The following SLC51A variants were observed in gnomAD, a reference collection of about 807,000 sequenced individuals.
The protein encoded by SLC51A is solute carrier family 51 member A.
In SLC51A, 22 loss-of-function variants were observed where a neutral mutation model predicts 34.8. The observed-to-expected ratio is 0.63, with a 90% confidence interval of 0.45 to 0.90. The LOEUF is 0.90. SLC51A is among the 40% of genes least tolerant of loss of function. The pLI is 0.00. For synonymous variants in SLC51A, 181 were observed against 176.3 expected (o/e 1.03, Z -0.21); for missense variants, 371 against 414.8 (o/e 0.89, Z 0.92).
At chr3:196,225,333 C>T (rs1434982217) in intron 2 of SLC51A, among the ~76,000 whole-genome samples, 1 of 152,126 alleles carries the variant, frequency 6.6e-6, no homozygotes, top group Non-Finnish European at 1.5e-5. Flanking sequence ...TGTGGTGCCA[C>T]CAGGTGCGAC....
In SLC51A at chr3:196,217,769, T is replaced by G. The variant is rs951483835; in HGVS notation, c.39-73T>G. On this transcript the variant is annotated intron_variant, in intron 1 of 8. Coordinates refer to ENST00000296327, the MANE Select transcript of SLC51A (RefSeq NM_152672.6). ...ACAAAGTCCTGCACTCAGGAGTGGT[T>G]GAGGGTCCAGTGTGCAACCCTCCCC... 8.0e-5 allele frequency: 102 copies of G among 1,270,040 alleles called. No homozygotes were observed. In the African/African-American group the frequency reaches 1.4e-3, roughly 17 times the overall value. 78.7% of individuals were successfully genotyped at this position (1,270,040 alleles called of 1,614,324 possible).
intron 2 of SLC51A, among the ~76,000 whole-genome samples, chr3:196,222,563 A>C (rs1290889792): frequency 6.6e-6 from 1 of 151,076 alleles, no homozygotes; most frequent in East Asian, 1.9e-4. Flanking sequence ...TGGATCCACG[A>C]GGCGGAGCTT....
At chr3:196,221,450 G>C (rs780863230) in intron 2 of SLC51A, among the ~76,000 whole-genome samples, 2 of 151,764 alleles carry the variant, frequency 1.3e-5, no homozygotes, top group African/African-American at 2.4e-5. Flanking sequence ...AATTTTTGTA[G>C]AGACAGAGTC....
In SLC51A at chr3:196,221,271, G is replaced by A. The variant is rs145499420; in HGVS notation, c.133+3335G>A. On this transcript the variant is annotated intron_variant, in intron 2 of 8. Transcript: ENST00000296327. Reference sequence around the variant, plus strand: ...TGTCTCAATTTAAAAAAAAGAGAGAGAGAAAAAAAAGCTATTATTCTAGAA... The same window carrying A: ...TGTCTCAATTTAAAAAAAAGAGAGAAAGAAAAAAAAGCTATTATTCTAGAA... Among the ~76,000 whole-genome samples the A allele has an allele frequency of 9.2e-4, 139 of 151,404 alleles. 2 individuals carry two copies. The highest frequency in any genetic ancestry group is 2.7e-3 in the African/African-American group (112 of 41,280).
At position 196,216,629 on chromosome 3, in the gene SLC51A, C is replaced by A; in HGVS notation, c.-84C>A. 1 of 1,428,480 alleles carries A rather than the reference C, an allele frequency of 7.0e-7. No individual in the cohort carries two copies. The highest frequency in any genetic ancestry group is 9.6e-7 in the Non-Finnish European group (1 of 1,040,308). 88.5% of individuals were successfully genotyped at this position (1,428,480 alleles called of 1,614,324 possible). The stretch of plus-strand genomic sequence containing the variant: ...GCCCCCCACCCCGGCCCAGGCAAGC[C>A]ACCCTGCCCCCGGCCCCCACCTGCC... On this transcript the variant is annotated 5_prime_UTR_variant, in exon 1 of 9. Transcript: ENST00000296327. This position sits in a 1 kb window ranked among gnomAD's most constrained non-coding sequence, Gnocchi z 4.5.
Position 196,216,651 on chromosome 3 carries a change from T to TGCCCGCCCCACCA in SLC51A, c.-53_-52insACCAGCCCGCCCC. The stretch of plus-strand genomic sequence containing the variant: ...AGCCACCCTGCCCCCGGCCCCCACC[T>TGCCCGCCCCACCA]GCCCGCCCCGCCTGCCCTTCCTCAC... On this transcript the variant is annotated 5_prime_UTR_variant, in exon 1 of 9. Coordinates refer to ENST00000296327, the MANE Select transcript of SLC51A (RefSeq NM_152672.6). This position sits in a 1 kb window ranked among gnomAD's most constrained non-coding sequence, Gnocchi z 4.5. 1.0e-6 allele frequency: 1 copy of TGCCCGCCCCACCA among 994,742 alleles called. No individual in the cohort carries two copies. The highest frequency in any genetic ancestry group is 1.7e-5 in the African/African-American group (1 of 58,068). 61.6% of individuals were successfully genotyped at this position (994,742 alleles called of 1,614,324 possible).
chr3:196,232,628 CAG>C, intron 8 of SLC51A, 104 bp downstream of exon 8: 4 of 827,362 alleles, frequency 4.8e-6, no homozygotes, highest in East Asian at 2.5e-5. Flanking sequence ...GACTTCTGCT[CAG>C]AGTGTTCAGA....
chr3:196,225,918 C>T (rs1338447953), intron 2 of SLC51A: 2 of 152,294 alleles, frequency 1.3e-5, no homozygotes, highest in Admixed American at 1.3e-4. Context: ...GCAATATCCA[C>T]GAAAGTTTGA....
chr3:196,223,857 CTTTTTTTTTTT>C, intron 2 of SLC51A: 1 of 333,466 alleles, frequency 3.0e-6, no homozygotes, highest in Admixed American at 4.4e-5. Flanking sequence ...TTTTTAATGC[CTTTTTTTTTTT>C]TTTTTTTTTC....
At chr3:196,220,603 A>G (rs1289798187) in intron 2 of SLC51A, among the ~76,000 whole-genome samples, 2 of 152,172 alleles carry the variant, frequency 1.3e-5, no homozygotes, top group East Asian at 1.9e-4. Context: ...TCTCAACAAC[A>G]GCAAAAAATA....
In SLC51A at chr3:196,216,770, CCTGGGCCAGTCG is replaced by C; in HGVS notation, c.38+27_38+38del. The C allele has an allele frequency of 6.4e-7, 1 of 1,566,102 alleles. No homozygotes were observed. Among genetic ancestry groups the C allele is most frequent in the Non-Finnish European group, 8.7e-7 (1 of 1,155,158 alleles). On this transcript the variant is annotated intron_variant, in intron 1 of 8. Transcript: ENST00000296327. This position sits in a 1 kb window ranked among gnomAD's most constrained non-coding sequence, Gnocchi z 4.5. Reference sequence around the variant, plus strand: ...CCCCAGGTAAGTGAGGGCGGCGGGCCCTGGGCCAGTCGCTGGGCAGCGGTGGCCCCTATCCCG... The same window carrying C: ...CCCCAGGTAAGTGAGGGCGGCGGGCCCTGGGCAGCGGTGGCCCCTATCCCG...
chr3:196,227,585 C>A, intron 3 of SLC51A, 79 bp from the exon 4 acceptor site: 1 of 1,266,754 alleles, frequency 7.9e-7, no homozygotes, highest in Non-Finnish European at 1.2e-6. Context: ...GTTTTGCCTC[C>A]TGTGTCCTTG....
intron 2 of SLC51A, among the ~76,000 whole-genome samples, chr3:196,219,140 T>C (rs1359766093): frequency 1.3e-5 from 2 of 152,034 alleles, no homozygotes; most frequent in East Asian, 3.8e-4. Context: ...GCAGGAGAGT[T>C]GCTTGAACTC....
intron 2 of SLC51A, among the ~76,000 whole-genome samples, chr3:196,221,490 G>A (rs960165690): frequency 1.3e-5 from 2 of 151,844 alleles, no homozygotes; most frequent in African/African-American, 2.4e-5. Flanking sequence ...GATCTCAAAC[G>A]CTCCAGCTCA....
intron 3 of SLC51A, 134 bp downstream of exon 3, chr3:196,227,253 G>T: frequency 1.1e-6 from 1 of 876,602 alleles, no homozygotes; most frequent in Non-Finnish European, 1.7e-6. Context: ...GAGGTTTGCA[G>T]GCCGACCTCC....
At chr3:196,222,535 G>A (rs183805146) in intron 2 of SLC51A, among the ~76,000 whole-genome samples, 8 of 151,474 alleles carry the variant, frequency 5.3e-5, no homozygotes, top group Admixed American at 3.3e-4. Flanking sequence ...CCTGGGAGGC[G>A]GAGGCAGAAG....
chr3:196,220,314 C>A (rs1305378778), intron 2 of SLC51A, among the ~76,000 whole-genome samples: 1 of 152,108 alleles, frequency 6.6e-6, no homozygotes, highest in Non-Finnish European at 1.5e-5. Flanking sequence ...AGCAGGGATG[C>A]GGCCGGACAC....
intron 2 of SLC51A, among the ~76,000 whole-genome samples, chr3:196,222,844 A>C (rs1247733409): frequency 6.6e-6 from 1 of 151,808 alleles, no homozygotes; most frequent in Non-Finnish European, 1.5e-5. Flanking sequence ...ATTGAGTTTA[A>C]CCAGCAAAGA....
intron 8 of SLC51A, 112 bp from the exon 9 acceptor site, chr3:196,232,951 A>C: frequency 9.0e-7 from 1 of 1,107,646 alleles, no homozygotes; most frequent in Non-Finnish European, 1.3e-6. Flanking sequence ...CTAAGTCCTG[A>C]TTTGGGGATA....
Sources: allele counts gnomAD v4.1 joint callset (sites outside exome capture counted in the v4.1 genomes callset), GRCh38; gene constraint gnomAD v4.1.1; non-coding constraint Gnocchi (gnomAD v3.1); transcripts MANE v1.5; gene names NCBI Gene and HGNC (gene_info 2026-07-23, HGNC 2026-07-21).